The following CRLF2 variants were observed in gnomAD, a reference collection of about 807,000 sequenced individuals.
The protein encoded by CRLF2 is cytokine receptor like factor 2.
CRLF2 carries 41 observed loss-of-function variants against 38.7 expected under a neutral mutation model. The observed-to-expected ratio is 1.06, with a 90% CI of 0.83 to 1.37. CRLF2 has a LOEUF of 1.37. CRLF2 is among the 40% of genes most tolerant of loss of function. The pLI, the probability that CRLF2 is intolerant of heterozygous loss-of-function variation, is 0.00. For missense variants in CRLF2, 377 were observed against 322.2 expected, an observed-to-expected ratio of 1.17 and a Z score of -1.30; for synonymous variants, 140 against 128.8, an observed-to-expected ratio of 1.09 and a Z score of -0.59.
chrX:1,194,789 T>C (rs1479990045), intron 6 of CRLF2, among the ~76,000 whole-genome samples: 4 of 152,016 alleles, frequency 2.6e-5, no homozygotes, highest in African/African-American at 9.7e-5. Flanking sequence ...CCCAGCACTT[T>C]GGGAGGCCGA....
At position 1,206,574 on chromosome X, in the gene CRLF2, G is replaced by A. The variant is rs769325002; in HGVS notation, c.208C>T (p.Gln70Ter). ...TCCTGGAGAAGGTAGTTGGTGCACT[G>A]GTCATAGGCCTCATCACCGTTGAAT... Reference protein sequence around the residue: ...YRFNGDEAYDQCTNYLLQEGH... With the variant: ...YRFNGDEAYD The change falls in exon 3 of 8, where the codon CAG becomes TAG. Residue 70 changes from glutamine to a stop codon, truncating the protein, a stop_gained. Coordinates refer to ENST00000400841, the MANE Select transcript of CRLF2 (RefSeq NM_022148.4). LOFTEE classifies it high-confidence loss of function. 1 of 1,613,592 alleles carries A rather than the reference G, an allele frequency of 6.2e-7. No homozygotes were observed. Among genetic ancestry groups the A allele is most frequent in the Non-Finnish European group, 8.5e-7 (1 of 1,179,608 alleles).
intron 3 of CRLF2, among the ~76,000 whole-genome samples, chrX:1,206,075 G>A (rs1301050519): frequency 2.0e-5 from 3 of 152,056 alleles, no homozygotes; most frequent in Admixed American, 6.6e-5. Flanking sequence ...TCAGCTGAAG[G>A]AAGTAGTGAA....
chrX:1,203,452 G>A lies in CRLF2; in HGVS notation c.350-917C>T, dbSNP rs1335144829. Reference sequence around the variant, plus strand: ...GTCCACATCCTAAAGCCCAGGACCTGGAATGAGACCGGATTTGGAAATAGG... The same window carrying A: ...GTCCACATCCTAAAGCCCAGGACCTAGAATGAGACCGGATTTGGAAATAGG... On this transcript the variant is annotated intron_variant, in intron 3 of 7. Coordinates refer to ENST00000400841, the MANE Select transcript of CRLF2 (RefSeq NM_022148.4). 2.6e-5 allele frequency among the ~76,000 whole-genome samples: 4 copies of A among 152,150 alleles called. No individual in the cohort carries two copies. The East Asian group carries it at 7.7e-4, about 29-fold the overall frequency.
chrX:1,196,124 A>C (rs1206599192), intron 6 of CRLF2, among the ~76,000 whole-genome samples: 1 of 144,588 alleles, frequency 6.9e-6, no homozygotes. Flanking sequence ...CAGGTGATCC[A>C]CCTGCCTCGG....
At chrX:1,204,808 T>G (rs1329370195) in intron 3 of CRLF2, among the ~76,000 whole-genome samples, 2 of 134,116 alleles carry the variant, frequency 1.5e-5, no homozygotes, top group African/African-American at 2.8e-5. Flanking sequence ...ATTACAGGGG[T>G]AAGCCACCAC....
At position 1,191,820 on chromosome X, in the gene CRLF2, C is replaced by T. The variant is rs1298823626; in HGVS notation, c.853-660G>A. On this transcript the variant is annotated intron_variant, in intron 7 of 7. Transcript: ENST00000400841. The stretch of plus-strand genomic sequence containing the variant: ...TGCTGGGACCAAAGGTGCGAGCCAC[C>T]GTGCCTGGCCCCCAAAAATAAAATT... Among the ~76,000 whole-genome samples the T allele has an allele frequency of 2.9e-4, 44 of 152,018 alleles. No homozygotes were observed. The South Asian group carries it at 5.0e-3, about 17-fold the overall frequency.
At chrX:1,191,554 G>A (rs1324304572) in intron 7 of CRLF2, among the ~76,000 whole-genome samples, 4 of 146,064 alleles carry the variant, frequency 2.7e-5, no homozygotes, top group African/African-American at 5.2e-5. Context: ...TTTTTGAGAC[G>A]GCATTTCGCT....
chrX:1,193,329 A>G, intron 6 of CRLF2, 27 bp from the exon 7 acceptor site: 1 of 398,676 alleles, frequency 2.5e-6, no homozygotes, highest in Non-Finnish European at 4.4e-6. Context: ...GAGCGTGGTC[A>G]GGTCGGCCAC....
chrX:1,204,380 C>A (rs1295318299), intron 3 of CRLF2, among the ~76,000 whole-genome samples: 1 of 151,870 alleles, frequency 6.6e-6, no homozygotes, highest in Non-Finnish European at 1.5e-5. Flanking sequence ...AGGCATGCAC[C>A]ACCAAGCCCG....
rs1318149053 is a variant in CRLF2 at position 1,192,152 on chromosome X, C to T, written c.853-992G>A. Among the ~76,000 whole-genome samples, 10 of 141,434 alleles carry T rather than the reference C, an allele frequency of 7.1e-5. No individual in the cohort carries two copies. The East Asian group carries it at 2.0e-3, about 28-fold the overall frequency. The allele number at this position is 141,434 out of a possible 152,430, so 92.8% of individuals were successfully genotyped here. ...CCCGGGAGGTGGAGCTTGCAGTGAG[C>T]CGAGATCCCGCCACTGCACTCCAGC... is the stretch of plus-strand genomic sequence containing the variant. On this transcript the variant is annotated intron_variant, in intron 7 of 7. Coordinates refer to ENST00000400841, the MANE Select transcript of CRLF2 (RefSeq NM_022148.4).
intron 6 of CRLF2, among the ~76,000 whole-genome samples, chrX:1,194,052 G>C (rs1490128654): frequency 1.3e-5 from 2 of 151,926 alleles, no homozygotes; most frequent in East Asian, 3.9e-4. Context: ...TTGAACCTGG[G>C]GGGCAGAGGT....
chrX:1,194,483 A>G (rs2147823199), intron 6 of CRLF2, among the ~76,000 whole-genome samples: 1 of 152,154 alleles, frequency 6.6e-6, no homozygotes, highest in East Asian at 1.9e-4. Flanking sequence ...AGTTCCCACC[A>G]GGATAAGGTG....
At position 1,193,250 on chromosome X, in the gene CRLF2, C is replaced by G. The variant is rs1430221687; in HGVS notation, c.820G>C (p.Gly274Arg). The G allele has an allele frequency of 2.5e-6, 1 of 398,500 alleles. No homozygotes were observed. The allele number at this position is 398,500 out of a possible 1,614,324, so 24.7% of individuals were successfully genotyped here. A position where few individuals can be genotyped will look rare whatever the true frequency, so the allele number is the denominator to read the frequency against. ...TTCCCTTGGTGTATCTCAAAGAGCC[C>G]GGGGAAGATGGATTTCGGGTCTGGC... ...SVPDPKSIFP[G>R]LFEIHQGNFQ... The change falls in exon 7 of 8, where the codon GGG becomes CGG. Residue 274 changes from glycine to arginine, a missense_variant. By Grantham distance (125) the Gly-to-Arg change is moderately radical. Coordinates refer to ENST00000400841, the MANE Select transcript of CRLF2 (RefSeq NM_022148.4).
intron 6 of CRLF2, among the ~76,000 whole-genome samples, chrX:1,196,233 G>A (rs192975482): frequency 0.011 from 1,555 of 145,586 alleles, 9 homozygotes; most frequent in Non-Finnish European, 0.016. Context: ...TGTCGCCCAG[G>A]CTGGAGTGCA....
intron 1 of CRLF2, among the ~76,000 whole-genome samples, chrX:1,210,677 T>C (rs1397908046): frequency 6.6e-6 from 1 of 152,152 alleles, no homozygotes; most frequent in African/African-American, 2.4e-5. Context: ...CCTTGTCATG[T>C]TGGGTTCTAA....
Position 1,191,722 on chromosome X carries a change from G to A in CRLF2, c.853-562C>T, listed in dbSNP as rs1409886799. Among the ~76,000 whole-genome samples the A allele has an allele frequency of 5.0e-3, 751 of 151,340 alleles. 8 individuals are homozygous for A. Among genetic ancestry groups the A allele is most frequent in the African/African-American group, 0.017 (722 of 41,266 alleles). Reference sequence around the variant, plus strand: ...AATTTTGTATTTTTAGTAGAGACGGGGTTTCACCATGTTGGTCAGGCTGGA... The same window carrying A: ...AATTTTGTATTTTTAGTAGAGACGGAGTTTCACCATGTTGGTCAGGCTGGA... On this transcript the variant is annotated intron_variant, in intron 7 of 7. Coordinates refer to ENST00000400841, the MANE Select transcript of CRLF2 (RefSeq NM_022148.4).
Position 1,206,497 on chromosome X carries a change from G to A in CRLF2, c.285C>T (p.Leu95=). 6.2e-7 allele frequency: 1 copy of A among 1,613,640 alleles called. No homozygotes were observed. The highest frequency in any genetic ancestry group is 8.5e-7 in the Non-Finnish European group (1 of 1,179,618). The change falls in exon 3 of 8, where the codon CTC becomes CTT. Residue 95 remains leucine (L), a synonymous_variant. Transcript: ENST00000400841. ...LLDAEQRDDI[L]YFSIRNGTHP... is the part of the protein sequence containing the mutation. ...GCGTCCCATTCCTGATGGAGAAATA[G>A]AGAATGTCGTCTCGCTGCTCTGCGT...
chrX:1,206,719 T>A, intron 2 of CRLF2, 120 bp from the exon 3 acceptor site: 1 of 856,938 alleles, frequency 1.2e-6, no homozygotes, highest in Non-Finnish European at 1.9e-6. Flanking sequence ...CTCAGCTCAC[T>A]GCAACCTCTG....
intron 5 of CRLF2, 57 bp downstream of exon 5, chrX:1,198,505 A>G: frequency 4.5e-6 from 7 of 1,549,142 alleles, no homozygotes; most frequent in Non-Finnish European, 6.2e-6. Context: ...GGCAGTGGCT[A>G]TGCCTACTCC....
Sources: gnomAD v4.1 joint callset for allele counts (sites outside exome capture counted in the v4.1 genomes callset) on GRCh38, gnomAD v4.1.1 for gene constraint, MANE v1.5 for transcripts, NCBI Gene and HGNC (gene_info 2026-07-23, HGNC 2026-07-21) for gene names.